Variants in SLC25A18 observed in about 807,000 individuals in gnomAD.
The protein encoded by SLC25A18 is solute carrier family 25 member 18.
A neutral mutation model predicts 31.1 loss-of-function variants in SLC25A18; 24 were observed. The observed-to-expected ratio is 0.77, with a 90% CI of 0.56 to 1.08. The LOEUF is 1.08. Among genes scored for constraint, SLC25A18 ranks in the 50% least tolerant of loss-of-function variants. SLC25A18 has a pLI of 0.00. For synonymous variants in SLC25A18, 173 were observed against 161.9 expected (o/e 1.07, Z -0.52); for missense variants, 371 against 418.5 (o/e 0.89, Z 0.99).
Position 17,568,617 on chromosome 22 carries a change from A to G in SLC25A18, c.-263-1307A>G, listed in dbSNP as rs530288282. On this transcript the variant is annotated intron_variant, in intron 1 of 10. Coordinates refer to ENST00000327451, the MANE Select transcript of SLC25A18 (RefSeq NM_031481.3). ...CACTCTGTCACCCAGGCTGGAGTGC[A>G]GTGGTGCGATCTCGGCTCACTGCAA... Among the ~76,000 whole-genome samples the G allele has an allele frequency of 1.4e-3, 153 of 112,862 alleles. 1 individual carries two copies. Among genetic ancestry groups the G allele is most frequent in the Non-Finnish European group, 1.5e-3 (91 of 61,050 alleles). The allele number at this position is 112,862 out of a possible 152,430, so 74.0% of individuals were successfully genotyped here.
intron 7 of SLC25A18, 139 bp from the exon 8 acceptor site, chr22:17,586,997 G>C: frequency 1.1e-6 from 1 of 948,206 alleles, no homozygotes; most frequent in South Asian, 1.6e-5. Context: ...TCTAAAATTA[G>C]GACATTCTTC....
intron 7 of SLC25A18, among the ~76,000 whole-genome samples, chr22:17,584,446 GGAGA>G (rs60872688): frequency 0.016 from 1,924 of 116,890 alleles, 18 homozygotes; most frequent in Middle Eastern, 0.037. Flanking sequence ...AAGGAAGGAA[GGAGA>G]GAGAGAGAGA....
At chr22:17,582,331 G>A (rs924756724) in intron 5 of SLC25A18, 2 of 333,608 alleles carry the variant, frequency 6.0e-6, no homozygotes, top group Non-Finnish European at 5.5e-6. Flanking sequence ...CGCCGAGATC[G>A]CGCCACTGCA....
chr22:17,566,272 G>C (rs1022788229), intron 1 of SLC25A18, among the ~76,000 whole-genome samples: 2 of 152,062 alleles, frequency 1.3e-5, no homozygotes, highest in Non-Finnish European at 2.9e-5. Context: ...CACTCTCAGT[G>C]GGGGGATAAT....
At chr22:17,581,470 G>A in intron 5 of SLC25A18, 57 bp downstream of exon 5, 2 of 1,588,260 alleles carry the variant, frequency 1.3e-6, no homozygotes, top group Non-Finnish European at 1.7e-6. Flanking sequence ...TATGGGACAT[G>A]GGGAACTGGT....
rs781145379 is a variant in SLC25A18 at position 17,590,136 on chromosome 22, G to A, written c.848G>A (p.Gly283Asp). 2 of 1,614,236 alleles carry A rather than the reference G, an allele frequency of 1.2e-6. No homozygotes were observed. Among genetic ancestry groups the A allele is most frequent in the Admixed American group, 3.3e-5 (2 of 60,024 alleles). Residue 283 changes from glycine to aspartate, a missense_variant, in exon 11 of 11, where the codon GGC (glycine) becomes GAC (aspartate). Gly to Asp is a moderately conservative substitution (Grantham distance 94). Transcript: ENST00000327451. ...IQEGPSAFMK[G>D]AGCRALVIAP... Reference sequence around the variant, plus strand: ...GAGGGACCATCTGCCTTCATGAAAGGCGCTGGCTGCCGGGCACTGGTCATA... The same window carrying A: ...GAGGGACCATCTGCCTTCATGAAAGACGCTGGCTGCCGGGCACTGGTCATA...
chr22:17,577,062 A>G (rs376755944), intron 2 of SLC25A18, among the ~76,000 whole-genome samples: 1 of 147,578 alleles, frequency 6.8e-6, no homozygotes, highest in African/African-American at 2.5e-5. Flanking sequence ...TCACTGTGTC[A>G]CCCAGGCTGG....
At chr22:17,584,865 C>T (rs920715190) in intron 7 of SLC25A18, among the ~76,000 whole-genome samples, 6 of 149,036 alleles carry the variant, frequency 4.0e-5, no homozygotes, top group Admixed American at 6.7e-5. Flanking sequence ...GCTATAGAAG[C>T]TGGCTTTTGG....
At chr22:17,566,506 G>A (rs1035941794) in intron 1 of SLC25A18, among the ~76,000 whole-genome samples, 4 of 152,108 alleles carry the variant, frequency 2.6e-5, no homozygotes, top group African/African-American at 9.6e-5. Flanking sequence ...TCCGCCTCAC[G>A]GGTTCAAGCG....
chr22:17,581,806 G>A (rs1271350497), intron 5 of SLC25A18: 3 of 206,342 alleles, frequency 1.5e-5, no homozygotes, highest in Non-Finnish European at 2.0e-5. Flanking sequence ...CCAGCCAGGA[G>A]GTACCTTGGA....
intron 2 of SLC25A18, among the ~76,000 whole-genome samples, chr22:17,570,570 C>T (rs1323891382): frequency 1.3e-5 from 2 of 152,208 alleles, no homozygotes; most frequent in Admixed American, 6.5e-5. Flanking sequence ...CCGCAACCTC[C>T]GCCTCCTGGG....
At chr22:17,569,874 G>A (rs1027894138) in intron 1 of SLC25A18, 50 bp from the exon 2 acceptor site, 1 of 985,580 alleles carries the variant, frequency 1.0e-6, no homozygotes, top group Non-Finnish European at 1.2e-6. Context: ...GACCACAGAA[G>A]GGAAAACCAG....
chr22:17,567,031 G>T (rs929889830), intron 1 of SLC25A18, among the ~76,000 whole-genome samples: 15 of 152,324 alleles, frequency 9.8e-5, no homozygotes, highest in African/African-American at 3.6e-4. Context: ...AGGCATAGTG[G>T]CATGCCTGTA....
At position 17,583,478 on chromosome 22, in the gene SLC25A18, T is replaced by C. The variant is rs2057437069; in HGVS notation, c.353T>C (p.Val118Ala). 6.2e-7 allele frequency: 1 copy of C among 1,613,892 alleles called. No homozygotes were observed. The highest frequency in any genetic ancestry group is 1.3e-5 in the African/African-American group (1 of 74,902). ...AGCGAGMCQVVVTCPMEMLKI... is the reference protein window; with the variant it reads ...AGCGAGMCQVAVTCPMEMLKI... ...TGTGGGGCTGGGATGTGCCAGGTCG[T>C]GGTGACCTGTCCCATGGAAATGCTC... Residue 118 changes from valine (V) to alanine (A), a missense_variant, in exon 7 of 11, where the codon GTG (valine) becomes GCG (alanine). Coordinates refer to ENST00000327451, the MANE Select transcript of SLC25A18 (RefSeq NM_031481.3).
At position 17,583,545 on chromosome 22, in the gene SLC25A18, T is replaced by TCCCC. The variant is rs2057439105; in HGVS notation, c.409+12_409+15dup. 6.2e-7 allele frequency: 1 copy of TCCCC among 1,612,610 alleles called. No individual in the cohort carries two copies. The highest frequency in any genetic ancestry group is 8.5e-7 in the Non-Finnish European group (1 of 1,179,870). On this transcript the variant is annotated intron_variant, in intron 7 of 10. Coordinates refer to ENST00000327451, the MANE Select transcript of SLC25A18 (RefSeq NM_031481.3). ...ATGCTGGACGCCTGGGTGAGGCCTG[T>TCCCC]CCCCACCTCCTATGGGAACAGTAAA...
intron 2 of SLC25A18, 111 bp downstream of exon 2, chr22:17,570,097 A>C: frequency 4.0e-6 from 3 of 755,302 alleles, no homozygotes; most frequent in Non-Finnish European, 4.8e-6. Flanking sequence ...AGGGACACTC[A>C]TCCCATTTGT....
intron 3 of SLC25A18, 50 bp downstream of exon 3, chr22:17,580,014 G>C (rs774427028): frequency 6.4e-7 from 1 of 1,572,760 alleles, no homozygotes. Context: ...GCCTGGCGGA[G>C]AGTCGCTGTG....
chr22:17,567,145 G>C (rs999775135), intron 1 of SLC25A18, among the ~76,000 whole-genome samples: 1 of 152,236 alleles, frequency 6.6e-6, no homozygotes, highest in African/African-American at 2.4e-5. Flanking sequence ...CTGGGCGACA[G>C]AGCAAGACAC....
chr22:17,586,788 G>C (rs1261520944), intron 7 of SLC25A18, among the ~76,000 whole-genome samples: 1 of 152,100 alleles, frequency 6.6e-6, no homozygotes, highest in Admixed American at 6.5e-5. Flanking sequence ...ACCTACATAG[G>C]CTGAGAAATG....
Sources: gnomAD v4.1 joint callset for allele counts (sites outside exome capture counted in the v4.1 genomes callset) on GRCh38, gnomAD v4.1.1 for gene constraint, MANE v1.5 for transcripts, NCBI Gene and HGNC (gene_info 2026-07-23, HGNC 2026-07-21) for gene names.